SERINC5: variants seen among roughly 807,000 people sequenced by gnomAD.
SERINC5 encodes chromosome 5 open reading frame 12.
A neutral mutation model predicts 63.1 loss-of-function variants in SERINC5; 41 were observed. The ratio of observed to expected loss-of-function variants is 0.65; its 90% CI spans 0.51 to 0.84. The LOEUF (loss-of-function observed/expected upper bound fraction) is 0.84, where lower values mean the gene tolerates loss of function less well. SERINC5 is among the 40% of genes least tolerant of loss of function. The pLI is 0.00. For missense variants in SERINC5, 523 were observed against 573.0 expected, an observed-to-expected ratio of 0.91 and a Z score of 0.89; for synonymous variants, 222 against 215.2, an observed-to-expected ratio of 1.03 and a Z score of -0.28.
In SERINC5 at chr5:80,171,379, A is replaced by G. The variant is rs186815291; in HGVS notation, c.552-1833T>C. Reference sequence around the variant, plus strand: ...AAGTGTTGCCAGCAGCTCTGATGCCATCTTCTTAGGGAGGAAAGAGAATTA... The same window carrying G: ...AAGTGTTGCCAGCAGCTCTGATGCCGTCTTCTTAGGGAGGAAAGAGAATTA... On this transcript the variant is annotated intron_variant, in intron 5 of 11. Transcript: ENST00000507668. 1.9e-3 allele frequency among the ~76,000 whole-genome samples: 291 copies of G among 152,312 alleles called. 3 individuals are homozygous for G. The highest frequency in any genetic ancestry group is 7.3e-3 in the Admixed American group (111 of 15,304).
intron 11 of SERINC5, among the ~76,000 whole-genome samples, chr5:80,119,445 T>A (rs1307056681): frequency 6.6e-6 from 1 of 152,190 alleles, no homozygotes; most frequent in Non-Finnish European, 1.5e-5. Context: ...GACCCCAATC[T>A]AAGCAGTGCA....
chr5:80,252,726 A>G (rs987557734), intron 1 of SERINC5, among the ~76,000 whole-genome samples: 5 of 152,316 alleles, frequency 3.3e-5, no homozygotes, highest in Admixed American at 3.3e-4. Flanking sequence ...AATTTTCCCA[A>G]TAACCCTAAG....
At chr5:80,245,119 T>G (rs1752113147) in intron 1 of SERINC5, among the ~76,000 whole-genome samples, 1 of 152,226 alleles carries the variant, frequency 6.6e-6, no homozygotes, top group Non-Finnish European at 1.5e-5. Context: ...CTACAGGGAA[T>G]GTGTGCCTTT....
rs1580154630 is a variant in SERINC5, at chr5:80,198,526, G to A, written c.195+4360C>T. ...AAGACCCACGCGACTCTGGCAGAAC[G>A]CTGGGTAGGAGGCACTTACACACTC... On this transcript the variant is annotated intron_variant, in intron 2 of 11. Transcript: ENST00000507668. 1.0e-5 allele frequency: 10 copies of A among 985,360 alleles called. No homozygotes were observed. In the South Asian group the frequency reaches 4.2e-4, roughly 42 times the overall value. 61.0% of individuals were successfully genotyped at this position (985,360 alleles called of 1,614,324 possible).
chr5:80,255,762 C>T (rs1375984881), intron 1 of SERINC5, 134 bp downstream of exon 1: 9 of 878,272 alleles, frequency 1.0e-5, no homozygotes, highest in Non-Finnish European at 1.6e-5. Context: ...GCCGCGGGGC[C>T]AGCCCGAGCG....
intron 1 of SERINC5, among the ~76,000 whole-genome samples, chr5:80,215,819 G>C (rs958680151): frequency 6.6e-6 from 1 of 152,182 alleles, no homozygotes; most frequent in Non-Finnish European, 1.5e-5. Flanking sequence ...GCAAGAAGAG[G>C]CTATGAACGC....
chr5:80,250,576 T>C (rs1204761627), intron 1 of SERINC5, among the ~76,000 whole-genome samples: 1 of 152,178 alleles, frequency 6.6e-6, no homozygotes, highest in Non-Finnish European at 1.5e-5. Flanking sequence ...TCCGCCCACC[T>C]GAGCCTCCCA....
At chr5:80,120,700 A>G (rs371961224) in intron 11 of SERINC5, among the ~76,000 whole-genome samples, 2 of 151,966 alleles carry the variant, frequency 1.3e-5, no homozygotes, top group Admixed American at 6.6e-5. Context: ...CTGTAATCCC[A>G]GCTATTCGGG....
chr5:80,173,181 G>GAAAGGA lies in SERINC5; in HGVS notation c.551+1767_551+1772dup, dbSNP rs150622050. Among the ~76,000 whole-genome samples, 188 of 150,702 alleles carry GAAAGGA rather than the reference G, an allele frequency of 1.2e-3. 1 individual carries two copies. Among genetic ancestry groups the GAAAGGA allele is most frequent in the African/African-American group, 4.4e-3 (178 of 40,852 alleles). On this transcript the variant is annotated intron_variant, in intron 5 of 11. Coordinates refer to ENST00000507668, the MANE Select transcript of SERINC5 (RefSeq NM_001174072.3). The stretch of plus-strand genomic sequence containing the variant: ...GAAAGAAAGGAAAGCAAAGAAAGAG[G>GAAAGGA]AAAGGAAAAGGAAAAGGAAAGGAAG...
chr5:80,174,923 T>G, intron 5 of SERINC5, 31 bp downstream of exon 5: 1 of 1,501,784 alleles, frequency 6.7e-7, no homozygotes, highest in East Asian at 2.4e-5. Flanking sequence ...TTTCTGTGAG[T>G]CAATGGGAAG....
At chr5:80,169,962 T>A (rs781765617) in intron 5 of SERINC5, among the ~76,000 whole-genome samples, 16 of 151,962 alleles carry the variant, frequency 1.1e-4, no homozygotes, top group Non-Finnish European at 1.5e-5. Context: ...CCCAAAGAGG[T>A]TGCAGAAGGC....
chr5:80,161,475 C>A (rs114278222), intron 7 of SERINC5, among the ~76,000 whole-genome samples: 6,791 of 151,884 alleles, frequency 0.045, 231 homozygotes, highest in South Asian at 0.11. Context: ...TTTCAAATGC[C>A]TGTTGGCCAT....
intron 2 of SERINC5, among the ~76,000 whole-genome samples, chr5:80,182,138 T>A (rs1221616892): frequency 6.6e-6 from 1 of 152,112 alleles, no homozygotes; most frequent in South Asian, 2.1e-4. Flanking sequence ...CTAAGAAGAA[T>A]TGGCTCCCTG....
chr5:80,167,691 T>C (rs1747393702), intron 6 of SERINC5, among the ~76,000 whole-genome samples: 1 of 152,212 alleles, frequency 6.6e-6, no homozygotes. Context: ...ACCAACAGTG[T>C]ATAAGTGTTC....
Position 80,142,784 on chromosome 5 carries a change from TAA to T in SERINC5, c.*877_*878del. ...CGAAGCAGCTTTTCAGTTAAGGTCC[TAA>T]AAGTATTATCATTATCAACAGCACA... On this transcript the variant is annotated 3_prime_UTR_variant, in exon 12 of 12. Coordinates refer to ENST00000507668, the MANE Select transcript of SERINC5 (RefSeq NM_001174072.3). 2.0e-6 allele frequency: 2 copies of T among 985,474 alleles called. No individual in the cohort carries two copies. The highest frequency in any genetic ancestry group is 2.4e-6 in the Non-Finnish European group (2 of 829,944). The allele number at this position is 985,474 out of a possible 1,614,324, so 61.0% of individuals were successfully genotyped here.
intron 6 of SERINC5, among the ~76,000 whole-genome samples, chr5:80,167,669 A>C (rs1425965435): frequency 6.6e-6 from 1 of 152,172 alleles, no homozygotes; most frequent in Non-Finnish European, 1.5e-5. Context: ...GGTTGAACTA[A>C]TTTACATTCC....
chr5:80,192,195 T>C (rs930411278), intron 2 of SERINC5, among the ~76,000 whole-genome samples: 2 of 152,196 alleles, frequency 1.3e-5, no homozygotes, highest in African/African-American at 4.8e-5. Flanking sequence ...GAAGAATAGA[T>C]GAGGAGTTGT....
intron 1 of SERINC5, among the ~76,000 whole-genome samples, chr5:80,204,078 C>G (rs192587596): frequency 6.6e-6 from 1 of 152,192 alleles, no homozygotes; most frequent in African/African-American, 2.4e-5. Context: ...GATGCTCTGG[C>G]GCTCGGGACC....
chr5:80,169,160 G>A (rs899070860), intron 6 of SERINC5, among the ~76,000 whole-genome samples, 175 bp downstream of exon 6: 6 of 152,088 alleles, frequency 3.9e-5, no homozygotes, highest in Non-Finnish European at 8.8e-5. Context: ...ATCACAGCTC[G>A]AGCATGAGAT....
Sources: gnomAD v4.1 joint callset for allele counts (sites outside exome capture counted in the v4.1 genomes callset) on GRCh38, gnomAD v4.1.1 for gene constraint, MANE v1.5 for transcripts, NCBI Gene and HGNC (gene_info 2026-07-23, HGNC 2026-07-21) for gene names.